The following PRR12 variants were observed in gnomAD, a reference collection of about 807,000 sequenced individuals.
PRR12 encodes proline-rich protein 12.
In PRR12, 12 loss-of-function variants were observed where a neutral mutation model predicts 138.0. The observed-to-expected ratio is 0.09, with a 90% CI of 0.06 to 0.14. The LOEUF is 0.14. Ranked by LOEUF, PRR12 falls within the 10% of genes least tolerant of loss-of-function variation. The probability of loss-of-function intolerance (pLI) is 1.00; values close to 1 mark genes in which losing one functional copy is unlikely to be tolerated. For synonymous variants in PRR12, 1,567 were observed against 1,291.7 expected (o/e 1.21, Z -4.57); for missense variants, 2,692 against 2,861.3 (o/e 0.94, Z 1.35).
chr19:49,607,538 C>A (rs551490224), intron 6 of PRR12, among the ~76,000 whole-genome samples: 1 of 151,076 alleles, frequency 6.6e-6, no homozygotes, highest in East Asian at 1.9e-4. Context: ...AAACGCCCCC[C>A]CTACAAAAAA....
chr19:49,614,839 G>A lies in PRR12; in HGVS notation c.4891-37G>A. 2 of 1,613,722 alleles carry A rather than the reference G, an allele frequency of 1.2e-6. No individual in the cohort carries two copies. ...GGTGTTGGCCATCTGGCTGGGCAGT[G>A]TGAAGAATTTCCTCATGTGCCTCTT... is the stretch of plus-strand genomic sequence containing the variant. On this transcript the variant is annotated intron_variant, in intron 7 of 13. Coordinates refer to ENST00000418929, the MANE Select transcript of PRR12 (RefSeq NM_020719.3). This position sits in a 1 kb window ranked among gnomAD's most constrained non-coding sequence, Gnocchi z 5.0.
Position 49,595,423 on chromosome 19 carries a change from C to G in PRR12, c.1088C>G (p.Thr363Arg). Residue 363 changes from threonine to arginine, a missense_variant, in exon 4 of 14, where the codon ACG becomes AGG. Around this residue, in one of 11 missense-constraint regions of PRR12, gnomAD observed 523 missense variants for 496.4 expected, o/e 1.05. Transcript: ENST00000418929. ...GATAGASGRA[T>R]GPEAAGGGGA... ...ACGGCTGGGGCATCTGGCCGGGCCA[C>G]GGGCCCTGAGGCAGCAGGGGGCGGT... is the stretch of plus-strand genomic sequence containing the variant. 1 of 1,535,938 alleles carries G rather than the reference C, an allele frequency of 6.5e-7. No individual in the cohort carries two copies. The highest frequency in any genetic ancestry group is 1.2e-5 in the South Asian group (1 of 83,192).
chr19:49,600,756 C>T (rs1371780478), intron 5 of PRR12, among the ~76,000 whole-genome samples: 2 of 151,582 alleles, frequency 1.3e-5, no homozygotes, highest in East Asian at 3.9e-4. Context: ...GTGTGGAGTG[C>T]AGTGGTGCGA....
At position 49,595,375 on chromosome 19, in the gene PRR12, G is replaced by A. The variant is rs1481753342; in HGVS notation, c.1040G>A (p.Ser347Asn). The A allele has an allele frequency of 1.9e-6, 3 of 1,540,882 alleles. No individual in the cohort carries two copies. Among genetic ancestry groups the A allele is most frequent in the Non-Finnish European group, 2.6e-6 (3 of 1,142,962 alleles). The change falls in exon 4 of 14, where the codon AGC becomes AAC. Residue 347 changes from serine to asparagine, a missense_variant. Physicochemically the swap from Ser to Asn is conservative, Grantham distance 46. Transcript: ENST00000418929. ...GEPSPGAGEP[S>N]KAGPSGATAG... ...CCCTCCCCGGGTGCTGGGGAGCCTA[G>A]CAAGGCTGGTCCCAGCGGAGCCACG... is the stretch of plus-strand genomic sequence containing the variant.
intron 2 of PRR12, among the ~76,000 whole-genome samples, 180 bp downstream of exon 2, chr19:49,593,619 C>T (rs1393315136): frequency 4.6e-5 from 7 of 152,088 alleles, no homozygotes; most frequent in Admixed American, 2.6e-4. Context: ...CATTTCTCGC[C>T]GGATTCGTCC....
intron 4 of PRR12, among the ~76,000 whole-genome samples, chr19:49,598,890 C>T (rs1375479916): frequency 2.0e-5 from 3 of 152,244 alleles, no homozygotes; most frequent in African/African-American, 4.8e-5. Flanking sequence ...AAACTCCTGA[C>T]CTCAAGTGAT....
intron 5 of PRR12, 77 bp from the exon 6 acceptor site, chr19:49,601,414 G>A (rs933204078): frequency 7.8e-5 from 62 of 793,266 alleles, no homozygotes; most frequent in Non-Finnish European, 4.9e-5. Context: ...GGTATAGAAA[G>A]CAGTGTTTAA....
In PRR12 at chr19:49,596,387, G is replaced by A. The variant is rs754949797; in HGVS notation, c.2052G>A (p.Pro684=). ...LGGSGGAGGP[P]GTPYELAKED... is the part of the protein sequence containing the mutation. The stretch of plus-strand genomic sequence containing the variant: ...GGAGTGGCGGGGCCGGGGGACCACC[G>A]GGTACACCCTACGAGTTGGCCAAGG... Residue 684 remains proline (P), a synonymous_variant, in exon 4 of 14, where the codon CCG becomes CCA. Transcript: ENST00000418929. The surrounding 1 kb of genome is among the most constrained non-coding windows in gnomAD (Gnocchi z 5.6). 7.5e-6 allele frequency: 12 copies of A among 1,602,650 alleles called. No individual in the cohort carries two copies. Among genetic ancestry groups the A allele is most frequent in the Admixed American group, 3.4e-5 (2 of 59,322 alleles).
At chr19:49,592,309 C>G (rs1375478060) in intron 1 of PRR12, among the ~76,000 whole-genome samples, 1 of 152,158 alleles carries the variant, frequency 6.6e-6, no homozygotes, top group East Asian at 1.9e-4. Flanking sequence ...GTCTGGGACA[C>G]GCCCCCTTTA....
chr19:49,595,270 A>G lies in PRR12; in HGVS notation c.935A>G (p.His312Arg). 6.5e-7 allele frequency: 1 copy of G among 1,545,234 alleles called. No homozygotes were observed. The highest frequency in any genetic ancestry group is 1.4e-5 in the African/African-American group (1 of 73,044). The change falls in exon 4 of 14, where the codon CAC becomes CGC. Residue 312 changes from histidine (H) to arginine (R), a missense_variant. Coordinates refer to ENST00000418929, the MANE Select transcript of PRR12 (RefSeq NM_020719.3). ...CCGCCACCAGCCCATGCGCTCCAGC[A>G]CTATCTGAGCTGTGGAGGCAGCTAC... ...PPPPPAHALQ[H>R]YLSCGGSYPS...
chr19:49,612,338 G>C (rs957498495), intron 6 of PRR12, among the ~76,000 whole-genome samples: 2 of 151,956 alleles, frequency 1.3e-5, no homozygotes, highest in Non-Finnish European at 2.9e-5. Flanking sequence ...CACTTTTCTA[G>C]TAATCGGCAG....
At position 49,596,839 on chromosome 19, in the gene PRR12, C is replaced by G; in HGVS notation, c.2504C>G (p.Pro835Arg). Residue 835 changes from proline (P) to arginine (R), a missense_variant, in exon 4 of 14, where the codon CCA becomes CGA. Pro to Arg is a moderately radical substitution (Grantham distance 103). Coordinates refer to ENST00000418929, the MANE Select transcript of PRR12 (RefSeq NM_020719.3). This position sits in a 1 kb window ranked among gnomAD's most constrained non-coding sequence, Gnocchi z 5.6. ...EPATRDGAPQ[P>R]PPPPPPPPPP... is the part of the protein sequence containing the mutation. ...GCCACCCGCGATGGGGCACCCCAGC[C>G]ACCTCCACCGCCACCCCCGCCTCCA... 6.3e-7 allele frequency: 1 copy of G among 1,589,760 alleles called. No individual in the cohort carries two copies. Among genetic ancestry groups the G allele is most frequent in the Non-Finnish European group, 8.5e-7 (1 of 1,174,232 alleles).
intron 6 of PRR12, among the ~76,000 whole-genome samples, chr19:49,609,363 GGT>G (rs1477958716): frequency 6.6e-6 from 1 of 152,098 alleles, no homozygotes. Context: ...CACTTTCGGA[GGT>G]CAAGGTGGGT....
Position 49,625,830 on chromosome 19 carries a change from G to A in PRR12, c.*223G>A. On this transcript the variant is annotated 3_prime_UTR_variant, in exon 14 of 14. Coordinates refer to ENST00000418929, the MANE Select transcript of PRR12 (RefSeq NM_020719.3). This position sits in a 1 kb window ranked among gnomAD's most constrained non-coding sequence, Gnocchi z 5.5. ...CATTCCTCCCACTGTTCGGTGTACA[G>A]AGAAATTATTTATATATATGTATAA... The A allele has an allele frequency of 2.1e-6, 1 of 472,294 alleles. No individual in the cohort carries two copies. Among genetic ancestry groups the A allele is most frequent in the Non-Finnish European group, 3.7e-6 (1 of 273,576 alleles). The allele number at this position is 472,294 out of a possible 1,614,324, so 29.3% of individuals were successfully genotyped here. A position where few individuals can be genotyped will look rare whatever the true frequency, so the allele number is the denominator to read the frequency against.
chr19:49,617,795 T>C (rs758655086), intron 9 of PRR12, among the ~76,000 whole-genome samples: 2 of 152,242 alleles, frequency 1.3e-5, no homozygotes, highest in Non-Finnish European at 2.9e-5. Flanking sequence ...AGCCCTGATA[T>C]AGCAGGGAGA....
In PRR12 at chr19:49,596,460, A is replaced by T; in HGVS notation, c.2125A>T (p.Ser709Cys). 1 of 1,611,216 alleles carries T rather than the reference A, an allele frequency of 6.2e-7. No homozygotes were observed. The highest frequency in any genetic ancestry group is 1.1e-5 in the South Asian group (1 of 90,884). Reference sequence around the variant, plus strand: ...GCAGAGTGTCATCCGCACCAGTGCCAGCCTGGATGAGGGTGCCACTGCGGC... The same window carrying T: ...GCAGAGTGTCATCCGCACCAGTGCCTGCCTGGATGAGGGTGCCACTGCGGC... The part of the protein sequence containing the change: ...HLQSVIRTSA[S>C]LDEGATAALE... The change falls in exon 4 of 14, where the codon AGC becomes TGC. Residue 709 changes from serine (S) to cysteine (C), a missense_variant. Transcript: ENST00000418929. The surrounding 1 kb of genome is among the most constrained non-coding windows in gnomAD (Gnocchi z 5.6).
chr19:49,622,907 A>AC (rs2080931400), intron 11 of PRR12, among the ~76,000 whole-genome samples: 1 of 79,264 alleles, frequency 1.3e-5, no homozygotes, highest in African/African-American at 7.9e-5. Context: ...AAAAACAAAA[A>AC]CATATATATA....
chr19:49,615,209 AGGGGAACAGAGACCCAGAGGTG>A (rs2080885296), intron 8 of PRR12, among the ~76,000 whole-genome samples, 200 bp downstream of exon 8: 1 of 142,022 alleles, frequency 7.0e-6, no homozygotes, highest in Middle Eastern at 4.5e-3. Flanking sequence ...CAGAGACAGG[AGGGGAACAGAGACCCAGAGGTG>A]GGGGGACAGA....
Position 49,596,302 on chromosome 19 carries a change from C to T in PRR12, c.1967C>T (p.Ser656Leu). The change falls in exon 4 of 14, where the codon TCA (serine) becomes TTA (leucine). Residue 656 changes from serine to leucine, a missense_variant. Ser to Leu is a moderately radical substitution (Grantham distance 145). Coordinates refer to ENST00000418929, the MANE Select transcript of PRR12 (RefSeq NM_020719.3). The surrounding 1 kb of genome is among the most constrained non-coding windows in gnomAD (Gnocchi z 5.6). ...LLQAPSPPRTSGADGLVGEDG... is the reference protein window; with the variant it reads ...LLQAPSPPRTLGADGLVGEDG... Reference sequence around the variant, plus strand: ...CAGGCGCCCAGCCCTCCTCGGACCTCAGGGGCGGACGGCTTGGTGGGCGAG... The same window carrying T: ...CAGGCGCCCAGCCCTCCTCGGACCTTAGGGGCGGACGGCTTGGTGGGCGAG... The T allele has an allele frequency of 6.2e-7, 1 of 1,611,324 alleles. No individual in the cohort carries two copies. Among genetic ancestry groups the T allele is most frequent in the Non-Finnish European group, 8.5e-7 (1 of 1,179,582 alleles).
Sources: allele counts gnomAD v4.1 joint callset (sites outside exome capture counted in the v4.1 genomes callset), GRCh38; gene constraint gnomAD v4.1.1; regional missense constraint gnomAD v4.1.1; non-coding constraint Gnocchi (gnomAD v3.1); transcripts MANE v1.5; gene names NCBI Gene and HGNC (gene_info 2026-07-23, HGNC 2026-07-21).